The following CAMK2D variants were observed in gnomAD, a reference collection of about 807,000 sequenced individuals.
CAMK2D encodes calcium/calmodulin dependent protein kinase II delta, also known as calcium/calmodulin-dependent protein kinase type II subunit delta.
Under a neutral mutation model 84.0 loss-of-function variants are expected in CAMK2D, and 37 were observed. The observed-to-expected ratio is 0.44, with a 90% CI of 0.34 to 0.58. The LOEUF (loss-of-function observed/expected upper bound fraction) is 0.58. Ranked by LOEUF, CAMK2D falls within the 20% of genes least tolerant of loss-of-function variation. The probability of loss-of-function intolerance (pLI) is 0.02; values close to 1 mark genes in which losing one functional copy is unlikely to be tolerated. For synonymous variants in CAMK2D, 202 were observed against 212.5 expected (o/e 0.95, Z 0.43); for missense variants, 448 against 652.5 (o/e 0.69, Z 3.41).
chr4:113,557,165 G>A (rs1241673932), intron 4 of CAMK2D, among the ~76,000 whole-genome samples: 1 of 152,042 alleles, frequency 6.6e-6, no homozygotes, highest in Non-Finnish European at 1.5e-5. Flanking sequence ...TCTCTCACAT[G>A]TACCACTGCA....
intron 13 of CAMK2D, 87 bp from the exon 14 acceptor site, chr4:113,505,122 GTA>G: frequency 1.5e-6 from 1 of 646,420 alleles, no homozygotes; most frequent in South Asian, 2.4e-5. Flanking sequence ...ACATAGAGAT[GTA>G]GACATGAAGA....
intron 4 of CAMK2D, among the ~76,000 whole-genome samples, chr4:113,572,073 TA>T (rs72617834): frequency 0.2 from 29,497 of 145,898 alleles, 3,108 homozygotes; most frequent in Middle Eastern, 0.32. Flanking sequence ...ACAGTTTTCA[TA>T]AAAAAAAAAA....
At chr4:113,526,396 T>A (rs2154178602) in intron 8 of CAMK2D, among the ~76,000 whole-genome samples, 1 of 143,096 alleles carries the variant, frequency 7.0e-6, no homozygotes, top group South Asian at 2.3e-4. Context: ...GCTATAAGTT[T>A]CTAAGGAGTC....
At chr4:113,607,095 T>A (rs1237523371) in intron 4 of CAMK2D, among the ~76,000 whole-genome samples, 2 of 151,976 alleles carry the variant, frequency 1.3e-5, no homozygotes, top group East Asian at 3.9e-4. Flanking sequence ...ACTAACAATT[T>A]GTTGCTAGCA....
chr4:113,620,622 C>A (rs564361779), intron 3 of CAMK2D, among the ~76,000 whole-genome samples: 13 of 152,004 alleles, frequency 8.6e-5, no homozygotes, highest in Admixed American at 2.6e-4. Context: ...ATTCTCCTGC[C>A]TCAGCCTCCT....
chr4:113,523,521 C>T (rs1263350918), intron 8 of CAMK2D, among the ~76,000 whole-genome samples: 1 of 152,082 alleles, frequency 6.6e-6, no homozygotes, highest in Non-Finnish European at 1.5e-5. Flanking sequence ...ACTTTCAATC[C>T]CAGCACTTTG....
At chr4:113,707,035 C>A (rs922605362) in intron 2 of CAMK2D, among the ~76,000 whole-genome samples, 2 of 151,866 alleles carry the variant, frequency 1.3e-5, no homozygotes, top group Admixed American at 6.6e-5. Flanking sequence ...AGGCTGGCCA[C>A]GTGCGAGAAT....
chr4:113,509,606 A>AGAAATG lies in CAMK2D; in HGVS notation c.984+26_984+31dup, dbSNP rs765829607. 1.2e-5 allele frequency: 17 copies of AGAAATG among 1,429,180 alleles called. No individual in the cohort carries two copies. The Middle Eastern group carries it at 7.1e-4, about 59-fold the overall frequency. 88.5% of individuals were successfully genotyped at this position (1,429,180 alleles called of 1,614,324 possible). A position where few individuals can be genotyped will look rare whatever the true frequency, so the allele number is the denominator to read the frequency against. ...AAAGATTATCCAGCATCTGAAAGTC[A>AGAAATG]GAAATGGATTAGGGGCATCTGTTTA... On this transcript the variant is annotated intron_variant, in intron 13 of 20. Coordinates refer to ENST00000511664, the MANE Select transcript of CAMK2D (RefSeq NM_001321571.2).
intron 2 of CAMK2D, among the ~76,000 whole-genome samples, chr4:113,727,870 C>T (rs2099550912): frequency 6.6e-6 from 1 of 152,026 alleles, no homozygotes; most frequent in Non-Finnish European, 1.5e-5. Context: ...TTAAATACTT[C>T]AAAAGAAAAG....
rs911615661 is a variant in CAMK2D at position 113,506,893 on chromosome 4, C to T, written c.985-1858G>A. On this transcript the variant is annotated intron_variant, in intron 13 of 20. Coordinates refer to ENST00000511664, the MANE Select transcript of CAMK2D (RefSeq NM_001321571.2). ...CTTATCTGTACAAGTGCACATGTTC[C>T]CCCCCCCACACACACACACCTACAC... is the stretch of plus-strand genomic sequence containing the variant. Among the ~76,000 whole-genome samples the T allele has an allele frequency of 3.5e-3, 490 of 138,422 alleles. 8 individuals are homozygous for T. The highest frequency in any genetic ancestry group is 5.7e-3 in the Non-Finnish European group (351 of 61,548). The allele number at this position is 138,422 out of a possible 152,430, so 90.8% of individuals were successfully genotyped here. A position where few individuals can be genotyped will look rare whatever the true frequency, so the allele number is the denominator to read the frequency against.
At chr4:113,503,827 C>T (rs767111289) in intron 14 of CAMK2D, among the ~76,000 whole-genome samples, 13 of 152,086 alleles carry the variant, frequency 8.5e-5, no homozygotes, top group Non-Finnish European at 1.2e-4. Flanking sequence ...AAAAAAGATT[C>T]AATATGCATA....
chr4:113,533,590 T>C (rs2098471609), intron 7 of CAMK2D, among the ~76,000 whole-genome samples: 1 of 151,400 alleles, frequency 6.6e-6, no homozygotes, highest in African/African-American at 2.4e-5. Flanking sequence ...AGAACCTTAA[T>C]ATCATAAAAA....
At chr4:113,524,805 A>G (rs1236330968) in intron 8 of CAMK2D, among the ~76,000 whole-genome samples, 1 of 152,182 alleles carries the variant, frequency 6.6e-6, no homozygotes, top group Admixed American at 6.5e-5. Flanking sequence ...GGGAAACCAG[A>G]CATAGTAAAT....
chr4:113,501,752 A>T (rs1590247285), intron 15 of CAMK2D, among the ~76,000 whole-genome samples: 1 of 151,982 alleles, frequency 6.6e-6, no homozygotes, highest in East Asian at 1.9e-4. Context: ...TCATGCAGCA[A>T]CTCTTACAAA....
At position 113,610,491 on chromosome 4, in the gene CAMK2D, T is replaced by C. The variant is rs539182063; in HGVS notation, c.221-1285A>G. On this transcript the variant is annotated intron_variant, in intron 3 of 20. Coordinates refer to ENST00000511664, the MANE Select transcript of CAMK2D (RefSeq NM_001321571.2). ...TTATACAAGGAGACTGTAGTACTCATTCAATGCCCAGGCTCATAGACTTAA... is the reference window on the plus strand; with the variant it reads ...TTATACAAGGAGACTGTAGTACTCACTCAATGCCCAGGCTCATAGACTTAA... 3.3e-5 allele frequency among the ~76,000 whole-genome samples: 5 copies of C among 152,342 alleles called. No homozygotes were observed. The South Asian group carries it at 1.0e-3, about 32-fold the overall frequency.
intron 2 of CAMK2D, among the ~76,000 whole-genome samples, chr4:113,702,936 A>T (rs2099426969): frequency 6.6e-6 from 1 of 152,138 alleles, no homozygotes; most frequent in Non-Finnish European, 1.5e-5. Context: ...TTTACATTCA[A>T]AATCTTGGAA....
Position 113,508,320 on chromosome 4 carries a change from G to A in CAMK2D, c.984+1318C>T. The A allele has an allele frequency of 1.6e-6, 2 of 1,270,012 alleles. 1 individual carries two copies. The highest frequency in any genetic ancestry group is 2.2e-6 in the Non-Finnish European group (2 of 889,738). 78.7% of individuals were successfully genotyped at this position (1,270,012 alleles called of 1,614,324 possible). ...AAAAGAAAAAAAAATATGACCGGTT[G>A]AATTTAGAGTATCAAAGCATGGAGT... On this transcript the variant is annotated intron_variant, in intron 13 of 20. Transcript: ENST00000511664.
At chr4:113,680,590 CA>C (rs1270051067) in intron 2 of CAMK2D, among the ~76,000 whole-genome samples, 7 of 152,138 alleles carry the variant, frequency 4.6e-5, no homozygotes, top group Non-Finnish European at 1.0e-4. Flanking sequence ...GACAAACAAA[CA>C]AAAAGATATA....
chr4:113,648,026 C>A (rs996933350), intron 3 of CAMK2D, among the ~76,000 whole-genome samples: 1 of 152,080 alleles, frequency 6.6e-6, no homozygotes, highest in Non-Finnish European at 1.5e-5. Flanking sequence ...GAAATAATGA[C>A]CTTCAAAATA....
Sources: allele counts gnomAD v4.1 joint callset (sites outside exome capture counted in the v4.1 genomes callset), GRCh38; gene constraint gnomAD v4.1.1; transcripts MANE v1.5; gene names NCBI Gene and HGNC (gene_info 2026-07-23, HGNC 2026-07-21).